TEPSIN: variants seen among roughly 807,000 people sequenced by gnomAD.
TEPSIN encodes the protein TEPSIN adaptor related protein complex 4 accessory protein.
Under a neutral mutation model 48.5 loss-of-function variants are expected in TEPSIN, and 50 were observed. That is an observed-to-expected ratio of 1.03 (90% CI 0.82 to 1.31). TEPSIN has a LOEUF of 1.31. Among genes scored for constraint, TEPSIN ranks in the 50% most tolerant of loss-of-function variants. TEPSIN has a pLI of 0.00. For synonymous variants in TEPSIN, 392 were observed against 358.8 expected (o/e 1.09, Z -1.05); for missense variants, 838 against 815.9 (o/e 1.03, Z -0.33).
Position 81,237,392 on chromosome 17 carries a change from A to G in TEPSIN, c.116T>C (p.Ile39Thr). ...VPCPGYLFEE[I>T]AKISHESPGS... ...GGGACATCAAGGAAGGATACTAGCA[A>G]TCTCTTCAAACAGGTAGCCCGGACA... Residue 39 changes from isoleucine to threonine, a missense_variant, in exon 2 of 13, where the codon ATT becomes ACT. Ile to Thr is a moderately conservative substitution (Grantham distance 89). Transcript: ENST00000637944. 2 of 1,611,424 alleles carry G rather than the reference A, an allele frequency of 1.2e-6. No individual in the cohort carries two copies. Among genetic ancestry groups the G allele is most frequent in the Non-Finnish European group, 1.7e-6 (2 of 1,179,264 alleles).
Position 81,230,135 on chromosome 17 carries a change from A to G in TEPSIN, c.1233+409T>C, listed in dbSNP as rs1160724176. The G allele has an allele frequency of 5.1e-6, 1 of 194,822 alleles. No homozygotes were observed. The highest frequency in any genetic ancestry group is 1.1e-5 in the Non-Finnish European group (1 of 94,642). 12.1% of individuals were successfully genotyped at this position (194,822 alleles called of 1,614,324 possible). On this transcript the variant is annotated intron_variant, in intron 12 of 12. Transcript: ENST00000637944. The surrounding 1 kb of genome is among the most constrained non-coding windows in gnomAD (Gnocchi z 4.2). ...GGCAGTTCAGAGTGTTCAAGTGCAC[A>G]GAGATGAATGGAACCATTTCTGCCC...
At chr17:81,237,991 T>C (rs2062755860) in intron 1 of TEPSIN, 7 of 997,782 alleles carry the variant, frequency 7.0e-6, no homozygotes, top group Non-Finnish European at 8.4e-6. Flanking sequence ...ATTTGTTTCA[T>C]GCTTACTTAC....
Position 81,233,433 on chromosome 17 carries a change from C to T in TEPSIN, c.525G>A (p.Thr175=), listed in dbSNP as rs900189064. ...GFGYSKEHGR[T]GSAGEAFLST... ...CCCATGCAGGCCCTCCCCACTCACC[C>T]GTGCGGCCGTGTTCCTTGCTGTAGC... The change falls in exon 7 of 13, where the codon ACG becomes ACA. Residue 175 remains threonine (T), a splice_region_variant and synonymous_variant. Transcript: ENST00000637944. This position sits in a 1 kb window ranked among gnomAD's most constrained non-coding sequence, Gnocchi z 5.8. The T allele has an allele frequency of 4.3e-6, 7 of 1,610,648 alleles. No homozygotes were observed. The highest frequency in any genetic ancestry group is 5.9e-6 in the Non-Finnish European group (7 of 1,179,540).
At chr17:81,237,130 G>A in intron 2 of TEPSIN, 59 bp from the exon 3 acceptor site, 1 of 1,507,878 alleles carries the variant, frequency 6.6e-7, no homozygotes, top group Non-Finnish European at 9.0e-7. Flanking sequence ...AGGCCGCAGG[G>A]AGACCAGGCC....
At position 81,231,570 on chromosome 17, in the gene TEPSIN, G is replaced by C. The variant is rs373767814; in HGVS notation, c.1019+8C>G. On this transcript the variant is annotated splice_region_variant and intron_variant, in intron 10 of 12. Coordinates refer to ENST00000637944, the MANE Select transcript of TEPSIN (RefSeq NM_001363764.2). ...GAGGCAGAGCAGGGCGGGTCCGGGC[G>C]CACTCACGCTTTGATGAAGTGCTGT... The C allele has an allele frequency of 4.3e-6, 7 of 1,609,738 alleles. No homozygotes were observed. The East Asian group carries it at 1.6e-4, about 36-fold the overall frequency.
Position 81,234,951 on chromosome 17 carries a change from G to A in TEPSIN, c.308-903C>T, listed in dbSNP as rs1026631543. On this transcript the variant is annotated intron_variant, in intron 4 of 12. Transcript: ENST00000637944. This position sits in a 1 kb window ranked among gnomAD's most constrained non-coding sequence, Gnocchi z 5.4. ...TCAGCCTAATGGCTAAGGTCAGCAC[G>A]ACCATGAACCACAAATAACATCTCC... Among the ~76,000 whole-genome samples the A allele has an allele frequency of 5.3e-5, 8 of 152,190 alleles. No homozygotes were observed. The highest frequency in any genetic ancestry group is 1.2e-4 in the African/African-American group (5 of 41,498).
At position 81,236,374 on chromosome 17, in the gene TEPSIN, G is replaced by A. The variant is rs1255961084; in HGVS notation, c.307+334C>T. Among the ~76,000 whole-genome samples, 8 of 152,222 alleles carry A rather than the reference G, an allele frequency of 5.3e-5. No individual in the cohort carries two copies. The East Asian group carries it at 7.7e-4, about 15-fold the overall frequency. On this transcript the variant is annotated intron_variant, in intron 4 of 12. Coordinates refer to ENST00000637944, the MANE Select transcript of TEPSIN (RefSeq NM_001363764.2). ...GCACTGGGATGGAGGGGGAAGACCC[G>A]TGGGGCACACAGAGAAACAAACTGG... is the stretch of plus-strand genomic sequence containing the variant.
chr17:81,230,477 G>A lies in TEPSIN; in HGVS notation c.1233+67C>T. On this transcript the variant is annotated intron_variant, in intron 12 of 12. Transcript: ENST00000637944. This position sits in a 1 kb window ranked among gnomAD's most constrained non-coding sequence, Gnocchi z 4.2. ...CGCCGGGCAGGGACGGGGTGGCCGT[G>A]GACTGCAGCGTATCTCCCACTGTAC... 1 of 1,584,410 alleles carries A rather than the reference G, an allele frequency of 6.3e-7. No individual in the cohort carries two copies. Among genetic ancestry groups the A allele is most frequent in the Non-Finnish European group, 8.6e-7 (1 of 1,168,078 alleles).
At position 81,228,456 on chromosome 17, in the gene TEPSIN, A is replaced by T; in HGVS notation, c.*472T>A. Reference sequence around the variant, plus strand: ...GGGATCTGAGACTTGAAATGGCCTCAGGCCAGACAGCACAAGGCAGCCCGG... The same window carrying T: ...GGGATCTGAGACTTGAAATGGCCTCTGGCCAGACAGCACAAGGCAGCCCGG... On this transcript the variant is annotated 3_prime_UTR_variant, in exon 13 of 13. Transcript: ENST00000637944. The T allele has an allele frequency of 1.4e-5, 3 of 218,338 alleles. No homozygotes were observed. The South Asian group carries it at 1.8e-4, about 13-fold the overall frequency. 13.5% of individuals were successfully genotyped at this position (218,338 alleles called of 1,614,324 possible).
Position 81,237,695 on chromosome 17 carries a change from C to A in TEPSIN, c.49-236G>T, listed in dbSNP as rs574376372. On this transcript the variant is annotated intron_variant, in intron 1 of 12. Coordinates refer to ENST00000637944, the MANE Select transcript of TEPSIN (RefSeq NM_001363764.2). ...GAGGCAAATCAATGGTGGTTCTCCA[C>A]GGAGGAGCTGCGCCACTTGGGTTAA... The A allele has an allele frequency of 3.0e-3, 1,736 of 584,640 alleles. 52 individuals carry two copies. The South Asian group carries it at 0.035, about 12-fold the overall frequency. The allele number at this position is 584,640 out of a possible 1,614,324, so 36.2% of individuals were successfully genotyped here. A position where few individuals can be genotyped will look rare whatever the true frequency, so the allele number is the denominator to read the frequency against.
intron 1 of TEPSIN, chr17:81,237,725 G>A: frequency 1.8e-6 from 1 of 546,126 alleles, no homozygotes; most frequent in South Asian, 2.2e-5. Context: ...GGTTAAGAAG[G>A]GACACAGCCC....
At position 81,233,696 on chromosome 17, in the gene TEPSIN, G is replaced by C; in HGVS notation, c.396C>G (p.Phe132Leu). Residue 132 changes from phenylalanine (F) to leucine (L), a missense_variant, in exon 6 of 13, where the codon TTC (phenylalanine) becomes TTG (leucine). Physicochemically the swap from Phe to Leu is conservative, Grantham distance 22. Transcript: ENST00000637944. This position sits in a 1 kb window ranked among gnomAD's most constrained non-coding sequence, Gnocchi z 5.8. Reference protein sequence around the residue: ...AAAQDLGSTLFSDTVLPLAPS... With the variant: ...AAAQDLGSTLLSDTVLPLAPS... ...GAGCCAGCGGCAACACGGTGTCCGA[G>C]AACAGGGTGCTCCCCAAGTCCTACA... The C allele has an allele frequency of 4.4e-6, 7 of 1,599,774 alleles. No individual in the cohort carries two copies. Among genetic ancestry groups the C allele is most frequent in the Non-Finnish European group, 6.0e-6 (7 of 1,175,450 alleles).
intron 3 of TEPSIN, 55 bp from the exon 4 acceptor site, chr17:81,236,856 G>A: frequency 1.9e-6 from 3 of 1,542,532 alleles, no homozygotes; most frequent in South Asian, 2.4e-5. Context: ...GACACCCAGG[G>A]CAGGGCCCGG....
Position 81,234,577 on chromosome 17 carries a change from T to G in TEPSIN, c.308-529A>C, listed in dbSNP as rs1258785018. ...CTACACCTGGGGCCGCGGCATCCTT[T>G]CAGGGCTCAGGCTGAGAGCTGTGCC... On this transcript the variant is annotated intron_variant, in intron 4 of 12. Transcript: ENST00000637944. The surrounding 1 kb of genome is among the most constrained non-coding windows in gnomAD (Gnocchi z 5.4). Among the ~76,000 whole-genome samples the G allele has an allele frequency of 6.6e-6, 1 of 152,024 alleles. No individual in the cohort carries two copies. The highest frequency in any genetic ancestry group is 1.5e-5 in the Non-Finnish European group (1 of 67,980).
Position 81,232,447 on chromosome 17 carries a change from C to G in TEPSIN, c.598G>C (p.Gly200Arg). ...CTCCGGGTACTGGGACTCTCGGGCC[C>G]GGGGCGCATGGCGCTGGCCACCACC... ...AEVVASAMRP[G>R]PESPSTRRLL... The change falls in exon 8 of 13, where the codon GGG becomes CGG. Residue 200 changes from glycine (G) to arginine (R), a missense_variant. By Grantham distance (125) the Gly-to-Arg change is moderately radical (BLOSUM62 -2). Transcript: ENST00000637944. 3.9e-6 allele frequency: 6 copies of G among 1,535,502 alleles called. No individual in the cohort carries two copies. The highest frequency in any genetic ancestry group is 2.4e-5 in the East Asian group (1 of 40,884).
Position 81,230,748 on chromosome 17 carries a change from C to T in TEPSIN, c.1099-70G>A, listed in dbSNP as rs1250643059. On this transcript the variant is annotated intron_variant, in intron 11 of 12. Coordinates refer to ENST00000637944, the MANE Select transcript of TEPSIN (RefSeq NM_001363764.2). The surrounding 1 kb of genome is among the most constrained non-coding windows in gnomAD (Gnocchi z 4.2). ...TCCACGCCAGGGAGGCCTATTTGGC[C>T]ATCTCTCTCCCTCTTCTTCCTCCTC... 3.4e-6 allele frequency: 5 copies of T among 1,449,556 alleles called. No individual in the cohort carries two copies. The highest frequency in any genetic ancestry group is 2.9e-5 in the South Asian group (2 of 68,712). 89.8% of individuals were successfully genotyped at this position (1,449,556 alleles called of 1,614,324 possible).
At chr17:81,235,009 G>A (rs1370489121) in intron 4 of TEPSIN, among the ~76,000 whole-genome samples, 1 of 152,074 alleles carries the variant, frequency 6.6e-6, no homozygotes, top group Non-Finnish European at 1.5e-5. Context: ...TCCCCAACCA[G>A]AGACATGCTA....
At position 81,228,565 on chromosome 17, in the gene TEPSIN, G is replaced by T; in HGVS notation, c.*363C>A. On this transcript the variant is annotated 3_prime_UTR_variant, in exon 13 of 13. Coordinates refer to ENST00000637944, the MANE Select transcript of TEPSIN (RefSeq NM_001363764.2). The stretch of plus-strand genomic sequence containing the variant: ...TGGGACGGGGGAGCAGTGGCTTGTT[G>T]CTGCTCATGACCTCCTGGGGAAGGA... 3.1e-6 allele frequency: 1 copy of T among 325,436 alleles called. No individual in the cohort carries two copies. The highest frequency in any genetic ancestry group is 5.7e-6 in the Non-Finnish European group (1 of 175,566). The allele number at this position is 325,436 out of a possible 1,614,324, so 20.2% of individuals were successfully genotyped here.
At chr17:81,238,238 C>T in intron 1 of TEPSIN, 1 of 938,344 alleles carries the variant, frequency 1.1e-6, no homozygotes, top group South Asian at 4.9e-5. Flanking sequence ...TGTTTGCCCA[C>T]CACGCCCTAA....
Sources: allele counts gnomAD v4.1 joint callset (sites outside exome capture counted in the v4.1 genomes callset), GRCh38; gene constraint gnomAD v4.1.1; non-coding constraint Gnocchi (gnomAD v3.1); transcripts MANE v1.5; gene names NCBI Gene and HGNC (gene_info 2026-07-23, HGNC 2026-07-21).